Variants in GSTO1 observed in about 807,000 individuals in gnomAD.
GSTO1 encodes glutathione S-transferase omega 1.
Under a neutral mutation model 23.8 loss-of-function variants are expected in GSTO1, and 27 were observed. The observed-to-expected ratio is 1.13, with a 90% CI of 0.83 to 1.56. The LOEUF (loss-of-function observed/expected upper bound fraction) is 1.56, where lower values mean the gene tolerates loss of function less well. GSTO1 is among the 40% of genes most tolerant of loss of function. The pLI, the probability that GSTO1 is intolerant of heterozygous loss-of-function variation, is 0.00. For synonymous variants in GSTO1, 105 were observed against 109.3 expected (o/e 0.96, Z 0.25); for missense variants, 255 against 285.8 (o/e 0.89, Z 0.78).
rs369692828 is a variant in GSTO1 at position 104,266,136 on chromosome 10, T to C, written c.518T>C (p.Ile173Thr). Residue 173 changes from isoleucine to threonine, a missense_variant, in exon 5 of 6, where the codon ATT becomes ACT. Ile to Thr is a moderately conservative substitution (Grantham distance 89). Coordinates refer to ENST00000369713, the MANE Select transcript of GSTO1 (RefSeq NM_004832.3). ...TTTGGTGGCAATTCTATCTCTATGATTGATTACCTCATCTGGCCCTGGTTT... is the reference window on the plus strand; with the variant it reads ...TTTGGTGGCAATTCTATCTCTATGACTGATTACCTCATCTGGCCCTGGTTT... ...TFFGGNSISMIDYLIWPWFER... is the reference protein window; with the variant it reads ...TFFGGNSISMTDYLIWPWFER... 13 of 1,611,888 alleles carry C rather than the reference T, an allele frequency of 8.1e-6. No homozygotes were observed. The African/African-American group carries it at 1.3e-4, about 17-fold the overall frequency.
intron 4 of GSTO1, among the ~76,000 whole-genome samples, chr10:104,265,420 G>A (rs1052276195): frequency 2.0e-5 from 3 of 152,040 alleles, no homozygotes; most frequent in South Asian, 2.1e-4. Flanking sequence ...GATAGTAAAC[G>A]TTTTCACATT....
chr10:104,263,229 G>C, intron 4 of GSTO1, 152 bp downstream of exon 4: 1 of 502,948 alleles, frequency 2.0e-6, no homozygotes, highest in Admixed American at 3.6e-5. Flanking sequence ...GCAGACTGCT[G>C]TTATAAAGCA....
chr10:104,255,175 CG>C lies in GSTO1; in HGVS notation c.51del (p.Pro18ArgfsTer12). ...TTCTCCCCGGCAGGAAGCGCGCCCC[CG>C]GGGCCGGTCCCGGAGGGCTCGATCC... ...ARSLGKGSAP[P>X]GPVPEGSIRI... On this transcript the variant is annotated frameshift_variant, in exon 2 of 6. Coordinates refer to ENST00000369713, the MANE Select transcript of GSTO1 (RefSeq NM_004832.3). LOFTEE classifies it high-confidence loss of function. The C allele has an allele frequency of 1.2e-6, 2 of 1,613,120 alleles. No individual in the cohort carries two copies. Among genetic ancestry groups the C allele is most frequent in the Non-Finnish European group, 8.5e-7 (1 of 1,179,262 alleles).
chr10:104,255,386 C>T, intron 2 of GSTO1, 115 bp downstream of exon 2: 1 of 664,206 alleles, frequency 1.5e-6, no homozygotes, highest in Non-Finnish European at 2.7e-6. Flanking sequence ...TCCTTTACTG[C>T]ACATTAAACT....
chr10:104,267,119 AT>A lies in GSTO1; in HGVS notation c.573-128del, dbSNP rs1284523970. On this transcript the variant is annotated intron_variant, in intron 5 of 5. Coordinates refer to ENST00000369713, the MANE Select transcript of GSTO1 (RefSeq NM_004832.3). ...TCAAATTGAATATTCTATTACAGGC[AT>A]TTTTAAATATTTTTAATGAAATATT... 1.2e-4 allele frequency: 65 copies of A among 553,376 alleles called. No individual in the cohort carries two copies. In the African/African-American group the frequency reaches 1.2e-3, roughly 10 times the overall value. 34.3% of individuals were successfully genotyped at this position (553,376 alleles called of 1,614,324 possible).
At chr10:104,261,032 A>G (rs544976444) in intron 3 of GSTO1, among the ~76,000 whole-genome samples, 52 of 152,254 alleles carry the variant, frequency 3.4e-4, no homozygotes, top group Non-Finnish European at 6.3e-4. Flanking sequence ...TGGTTCTTAA[A>G]GAAAAATCTC....
In GSTO1 at chr10:104,255,271, G is replaced by A. The variant is rs1295829625; in HGVS notation, c.143G>A (p.Arg48Lys). 1 of 1,598,014 alleles carries A rather than the reference G, an allele frequency of 6.3e-7. No individual in the cohort carries two copies. The highest frequency in any genetic ancestry group is 2.2e-5 in the East Asian group (1 of 44,768). The change falls in exon 2 of 6, where the codon AGG (arginine) becomes AAG (lysine). Residue 48 changes from arginine (R) to lysine (K), a missense_variant and splice_region_variant. Transcript: ENST00000369713. ...CTAGTCCTGAAGGCCAAGGGAATCA[G>A]GTGGGCACCCAGGCGGGGGACGCTC... ...TRLVLKAKGI[R>K]HEVININLKN...
rs1273652693 is a variant in GSTO1 at position 104,260,937 on chromosome 10, G to T, written c.366+1139G>T. On this transcript the variant is annotated intron_variant, in intron 3 of 5. Transcript: ENST00000369713. ...TGACATTTTCAAGAACGATGTGGGAGAGTTTTACAAAGTAGTAACAAGTTA... is the reference window on the plus strand; with the variant it reads ...TGACATTTTCAAGAACGATGTGGGATAGTTTTACAAAGTAGTAACAAGTTA... Among the ~76,000 whole-genome samples, 6 of 152,280 alleles carry T rather than the reference G, an allele frequency of 3.9e-5. No individual in the cohort carries two copies. The East Asian group carries it at 7.7e-4, about 20-fold the overall frequency.
chr10:104,259,664 A>C lies in GSTO1; in HGVS notation c.232A>C (p.Ser78Arg), dbSNP rs2011122770. 6.2e-7 allele frequency: 1 copy of C among 1,613,184 alleles called. No homozygotes were observed. The highest frequency in any genetic ancestry group is 8.5e-7 in the Non-Finnish European group (1 of 1,179,258). The part of the protein sequence containing the change: ...PFGLVPVLEN[S>R]QGQLIYESAI... ...TGGTCTGGTGCCAGTTCTGGAAAAC[A>C]GTCAGGGTCAGCTGATCTACGAGTC... The change falls in exon 3 of 6, where the codon AGT becomes CGT. Residue 78 changes from serine (S) to arginine (R), a missense_variant. Coordinates refer to ENST00000369713, the MANE Select transcript of GSTO1 (RefSeq NM_004832.3).
chr10:104,254,541 G>A, upstream of GSTO1: 1 of 328,524 alleles, frequency 3.0e-6, no homozygotes, highest in South Asian at 2.8e-5. Flanking sequence ...CTGAAGTCGT[G>A]AAGCCTTGGG....
chr10:104,260,131 C>A (rs1159746898), intron 3 of GSTO1, among the ~76,000 whole-genome samples: 1 of 152,194 alleles, frequency 6.6e-6, no homozygotes, highest in Admixed American at 6.5e-5. Flanking sequence ...TTTCACATGT[C>A]TGCTCCGACA....
At position 104,263,090 on chromosome 10, in the gene GSTO1, C is replaced by CCT; in HGVS notation, c.465+14_465+15dup. 1.9e-6 allele frequency: 2 copies of CCT among 1,049,922 alleles called. No homozygotes were observed. Among genetic ancestry groups the CCT allele is most frequent in the Non-Finnish European group, 3.0e-6 (2 of 676,220 alleles). The allele number at this position is 1,049,922 out of a possible 1,614,324, so 65.0% of individuals were successfully genotyped here. A position where few individuals can be genotyped will look rare whatever the true frequency, so the allele number is the denominator to read the frequency against. On this transcript the variant is annotated intron_variant, in intron 4 of 5. Coordinates refer to ENST00000369713, the MANE Select transcript of GSTO1 (RefSeq NM_004832.3). ...CAAGCTAGAGGAGGTAATTATTTCTCCTAGCTATCATCAGAGTAAACGATA... is the reference window on the plus strand; with the variant it reads ...CAAGCTAGAGGAGGTAATTATTTCTCCTCTAGCTATCATCAGAGTAAACGATA...
chr10:104,267,321 C>G lies in GSTO1; in HGVS notation c.642C>G (p.Ala214=), dbSNP rs775896923. The G allele has an allele frequency of 6.2e-7, 1 of 1,613,348 alleles. No homozygotes were observed. The highest frequency in any genetic ancestry group is 1.7e-5 in the Admixed American group (1 of 60,006). The change falls in exon 6 of 6, where the codon GCC becomes GCG. Residue 214 remains alanine, a synonymous_variant. Transcript: ENST00000369713. The part of the protein sequence containing the change: ...AAMKEDPTVS[A]LLTSEKDWQG... ...TGAAGGAAGATCCCACAGTCTCAGC[C>G]CTGCTTACTAGTGAGAAAGACTGGC...
Position 104,267,329 on chromosome 10 carries a change from C to T in GSTO1, c.650C>T (p.Thr217Ile), listed in dbSNP as rs15032. 3 of 1,613,432 alleles carry T rather than the reference C, an allele frequency of 1.9e-6. No homozygotes were observed. Among genetic ancestry groups the T allele is most frequent in the Non-Finnish European group, 2.5e-6 (3 of 1,179,362 alleles). Reference sequence around the variant, plus strand: ...GATCCCACAGTCTCAGCCCTGCTTACTAGTGAGAAAGACTGGCAAGGTTTC... The same window carrying T: ...GATCCCACAGTCTCAGCCCTGCTTATTAGTGAGAAAGACTGGCAAGGTTTC... Reference protein sequence around the residue: ...KEDPTVSALLTSEKDWQGFLE... With the variant: ...KEDPTVSALLISEKDWQGFLE... The change falls in exon 6 of 6, where the codon ACT becomes ATT. Residue 217 changes from threonine to isoleucine, a missense_variant. Thr to Ile is a moderately conservative substitution (Grantham distance 89, BLOSUM62 -1). Coordinates refer to ENST00000369713, the MANE Select transcript of GSTO1 (RefSeq NM_004832.3).
intron 2 of GSTO1, among the ~76,000 whole-genome samples, chr10:104,258,408 C>T (rs890660348): frequency 1.3e-5 from 2 of 152,138 alleles, no homozygotes; most frequent in Admixed American, 6.5e-5. Context: ...CTACAGCAAA[C>T]AAGCTTCCAC....
intron 2 of GSTO1, among the ~76,000 whole-genome samples, chr10:104,256,657 ATGACT>A (rs745965696): frequency 3.9e-5 from 6 of 152,218 alleles, no homozygotes; most frequent in Non-Finnish European, 7.3e-5. Flanking sequence ...ACCACATGAT[ATGACT>A]TAACAAAGCA....
chr10:104,255,155 C>T lies in GSTO1; in HGVS notation c.35-8C>T. 1 of 1,606,870 alleles carries T rather than the reference C, an allele frequency of 6.2e-7. No individual in the cohort carries two copies. Among genetic ancestry groups the T allele is most frequent in the Non-Finnish European group, 8.5e-7 (1 of 1,173,724 alleles). The stretch of plus-strand genomic sequence containing the variant: ...TGGGCCGTAATCGCCTTCGCTTCTC[C>T]CCGGCAGGAAGCGCGCCCCCGGGGC... On this transcript the variant is annotated splice_polypyrimidine_tract_variant and splice_region_variant and intron_variant, in intron 1 of 5. Coordinates refer to ENST00000369713, the MANE Select transcript of GSTO1 (RefSeq NM_004832.3).
Position 104,259,201 on chromosome 10 carries a change from C to T in GSTO1, c.144-375C>T, listed in dbSNP as rs192089752. Among the ~76,000 whole-genome samples, 229 of 152,294 alleles carry T rather than the reference C, an allele frequency of 1.5e-3. 1 individual carries two copies. Among genetic ancestry groups the T allele is most frequent in the Middle Eastern group, 6.8e-3 (2 of 294 alleles). On this transcript the variant is annotated intron_variant, in intron 2 of 5. Transcript: ENST00000369713. ...TCTCAAAGAGATATTAGCACTCTCA[C>T]GTAGACTGCAGCACTGTTCACAACA...
intron 2 of GSTO1, among the ~76,000 whole-genome samples, chr10:104,258,225 T>C (rs1445180204): frequency 6.6e-6 from 1 of 152,066 alleles, no homozygotes; most frequent in East Asian, 1.9e-4. Flanking sequence ...CAGAGGACCA[T>C]CAAGTGCAAA....
Sources: allele counts gnomAD v4.1 joint callset (sites outside exome capture counted in the v4.1 genomes callset), GRCh38; gene constraint gnomAD v4.1.1; transcripts MANE v1.5; gene names NCBI Gene and HGNC (gene_info 2026-07-23, HGNC 2026-07-21).